DNAH6: variants seen among roughly 807,000 people sequenced by gnomAD.
DNAH6 encodes axonemal beta dynein heavy chain 6.
Under a neutral mutation model 491.4 loss-of-function variants are expected in DNAH6, and 340 were observed. The ratio of observed to expected loss-of-function variants is 0.69; its 90% CI spans 0.63 to 0.76. The LOEUF (loss-of-function observed/expected upper bound fraction) is 0.76. DNAH6 is among the 30% of genes least tolerant of loss of function. The pLI is 0.00. For missense variants in DNAH6, 4,443 were observed against 4,972.2 expected (o/e 0.89, Z 3.20); for synonymous variants, 1,603 against 1,686.1 (o/e 0.95, Z 1.21).
chr2:84,519,183 A>T (rs144749207), intron 2 of DNAH6, among the ~76,000 whole-genome samples: 4 of 152,138 alleles, frequency 2.6e-5, no homozygotes, highest in African/African-American at 7.2e-5. Flanking sequence ...CAACTGACAG[A>T]TATCTGCAAT....
intron 64 of DNAH6, among the ~76,000 whole-genome samples, chr2:84,770,192 A>G (rs2105171141): frequency 6.6e-6 from 1 of 152,314 alleles, no homozygotes; most frequent in East Asian, 1.9e-4. Context: ...TTAGTTTATA[A>G]AAGTCTTTAA....
intron 59 of DNAH6, among the ~76,000 whole-genome samples, chr2:84,720,302 A>G (rs1461295995): frequency 5.4e-4 from 58 of 107,238 alleles, no homozygotes; most frequent in Non-Finnish European, 7.6e-4. Context: ...TTTTTGAGAC[A>G]GAGTCTCGCT....
intron 11 of DNAH6, among the ~76,000 whole-genome samples, chr2:84,560,043 A>G (rs1323970247): frequency 6.6e-6 from 1 of 152,162 alleles, no homozygotes; most frequent in Non-Finnish European, 1.5e-5. Context: ...TTATAATGGA[A>G]GACAGGCAAA....
intron 34 of DNAH6, 88 bp downstream of exon 34, chr2:84,653,962 A>G: frequency 1.9e-6 from 2 of 1,039,484 alleles, no homozygotes; most frequent in Non-Finnish European, 2.8e-6. Context: ...TGTAGCCTTT[A>G]CTATCTATAA....
intron 33 of DNAH6, among the ~76,000 whole-genome samples, chr2:84,652,858 G>A (rs1690583727): frequency 6.6e-6 from 1 of 151,684 alleles, no homozygotes; most frequent in Non-Finnish European, 1.5e-5. Flanking sequence ...TTTCTGAATA[G>A]CCACATACAG....
At chr2:84,744,979 C>A in intron 62 of DNAH6, 101 bp from the exon 63 acceptor site, 1 of 776,600 alleles carries the variant, frequency 1.3e-6, no homozygotes, top group Non-Finnish European at 1.9e-6. Flanking sequence ...GTGGTTAAAA[C>A]TGATAGTAAA....
chr2:84,552,232 T>C (rs1679462695), intron 9 of DNAH6, among the ~76,000 whole-genome samples: 1 of 152,144 alleles, frequency 6.6e-6, no homozygotes, highest in African/African-American at 2.4e-5. Flanking sequence ...ATCAGAAATA[T>C]CTGGGTTGAA....
chr2:84,787,281 G>T lies in DNAH6; in HGVS notation c.11218G>T (p.Asp3740Tyr). 1 of 1,548,754 alleles carries T rather than the reference G, an allele frequency of 6.5e-7. No individual in the cohort carries two copies. Among genetic ancestry groups the T allele is most frequent in the Non-Finnish European group, 8.7e-7 (1 of 1,145,638 alleles). ...LYCKEGKIPW[D>Y]ALIYITGEIT... ...TTGTAAAGAAGGAAAGATTCCCTGG[G>T]ATGCACTAATTTACATTACTGGTGA... The change falls in exon 68 of 77, where the codon GAT (aspartate) becomes TAT (tyrosine). Residue 3740 changes from aspartate (D) to tyrosine (Y), a missense_variant. Physicochemically the swap from Asp to Tyr is radical, Grantham distance 160 (BLOSUM62 -3). Coordinates refer to ENST00000389394, the MANE Select transcript of DNAH6 (RefSeq NM_001370.2).
chr2:84,583,690 T>C (rs1683265693), intron 14 of DNAH6, among the ~76,000 whole-genome samples: 1 of 152,192 alleles, frequency 6.6e-6, no homozygotes, highest in African/African-American at 2.4e-5. Context: ...ATAAGTCTCA[T>C]GATATCTGAT....
chr2:84,739,057 T>C (rs932825722), intron 62 of DNAH6, among the ~76,000 whole-genome samples: 5 of 152,210 alleles, frequency 3.3e-5, no homozygotes, highest in African/African-American at 1.2e-4. Flanking sequence ...GGTGATTACT[T>C]GTTTGGGAAA....
rs1010149268 is a variant in DNAH6 at position 84,819,485 on chromosome 2, A to T, written c.*77A>T. The T allele has an allele frequency of 3.4e-6, 3 of 885,262 alleles. No individual in the cohort carries two copies. Among genetic ancestry groups the T allele is most frequent in the Non-Finnish European group, 5.2e-6 (3 of 575,004 alleles). The allele number at this position is 885,262 out of a possible 1,614,324, so 54.8% of individuals were successfully genotyped here. On this transcript the variant is annotated 3_prime_UTR_variant, in exon 77 of 77. Coordinates refer to ENST00000389394, the MANE Select transcript of DNAH6 (RefSeq NM_001370.2). Reference sequence around the variant, plus strand: ...TGGGAGCAAAAGGTTTGAATAATTTATATGTGAGCAAAACGGTGTTAATTC... The same window carrying T: ...TGGGAGCAAAAGGTTTGAATAATTTTTATGTGAGCAAAACGGTGTTAATTC...
In DNAH6 at chr2:84,707,829, G is replaced by A. The variant is rs989133323; in HGVS notation, c.9048+113G>A. On this transcript the variant is annotated intron_variant, in intron 54 of 76. Transcript: ENST00000389394. ...GCTCTCCACTGTAGAGGTTCTTCAT[G>A]GTGGAATTTCTTTATATATTTCACA... 2.8e-5 allele frequency: 21 copies of A among 755,912 alleles called. No individual in the cohort carries two copies. In the African/African-American group the frequency reaches 3.5e-4, roughly 13 times the overall value. The allele number at this position is 755,912 out of a possible 1,614,324, so 46.8% of individuals were successfully genotyped here.
chr2:84,645,806 A>G (rs766753034), intron 33 of DNAH6, among the ~76,000 whole-genome samples: 2 of 152,064 alleles, frequency 1.3e-5, no homozygotes, highest in Admixed American at 6.5e-5. Flanking sequence ...GGAGTTTTTA[A>G]CTCTCAGACA....
At chr2:84,664,658 A>G (rs1248942501) in intron 37 of DNAH6, among the ~76,000 whole-genome samples, 1 of 152,194 alleles carries the variant, frequency 6.6e-6, no homozygotes, top group Non-Finnish European at 1.5e-5. Flanking sequence ...GGGAGATTTT[A>G]ACACCCCACT....
the DNAH6 span, among the ~76,000 whole-genome samples, chr2:84,477,531 G>A: frequency 6.6e-6 from 1 of 152,110 alleles, no homozygotes; most frequent in African/African-American, 2.4e-5. Context: ...GTACATGCTG[G>A]GGTAGTGGGG....
At chr2:84,486,153 G>T in the DNAH6 span, among the ~76,000 whole-genome samples, 1 of 152,136 alleles carries the variant, frequency 6.6e-6, no homozygotes, top group African/African-American at 2.4e-5. Context: ...CAGAGCTTCA[G>T]CTCAAACTCC....
chr2:84,609,911 T>C (rs922974190), intron 21 of DNAH6, among the ~76,000 whole-genome samples: 4 of 152,156 alleles, frequency 2.6e-5, no homozygotes, highest in African/African-American at 9.7e-5. Context: ...CATATTATTA[T>C]TTTGCTGTGA....
rs12474026 is a variant in DNAH6 at position 84,547,769 on chromosome 2, G to A, written c.1186+157G>A. ...TATAAATTTAATGTATTTTGTGGAA[G>A]GGAGGGAAATAGAAAATACTGCATG... On this transcript the variant is annotated intron_variant, in intron 7 of 76. Coordinates refer to ENST00000389394, the MANE Select transcript of DNAH6 (RefSeq NM_001370.2). 0.82 allele frequency among the ~76,000 whole-genome samples: 124,462 copies of A among 152,154 alleles called. 53,479 individuals carry two copies. Among genetic ancestry groups the A allele is most frequent in the East Asian group, 0.99 (5,111 of 5,184 alleles).
chr2:84,781,492 G>T lies in DNAH6; in HGVS notation c.10704-1G>T. 1 of 1,547,404 alleles carries T rather than the reference G, an allele frequency of 6.5e-7. No homozygotes were observed. The highest frequency in any genetic ancestry group is 8.7e-7 in the Non-Finnish European group (1 of 1,144,018). On this transcript the variant is annotated splice_acceptor_variant, in intron 64 of 76. Transcript: ENST00000389394. LOFTEE classifies it high-confidence loss of function. ...TATTGTGTTCTTGCTGTTCAATTCA[G>T]GGTGCAGTCAATTTCACTGGGGCAA... is the stretch of plus-strand genomic sequence containing the variant.
Sources: allele counts gnomAD v4.1 joint callset (sites outside exome capture counted in the v4.1 genomes callset), GRCh38; gene constraint gnomAD v4.1.1; transcripts MANE v1.5; gene names NCBI Gene and HGNC (gene_info 2026-07-23, HGNC 2026-07-21).